Variants in EGLN1 observed in about 807,000 individuals in gnomAD.
The protein encoded by EGLN1 is egl nine homolog 1.
Under a neutral mutation model 38.3 loss-of-function variants are expected in EGLN1, and 17 were observed. The ratio of observed to expected loss-of-function variants is 0.44; its 90% CI spans 0.30 to 0.67. The LOEUF is 0.67. Among genes scored for constraint, EGLN1 ranks in the 30% least tolerant of loss-of-function variants. EGLN1 has a pLI of 0.08. For missense variants in EGLN1, 477 were observed against 603.3 expected (o/e 0.79, Z 2.19); for synonymous variants, 283 against 257.5 (o/e 1.10, Z -0.95).
chr1:231,421,902 G>A lies in EGLN1; in HGVS notation c.-14C>T, dbSNP rs1483197450. The A allele has an allele frequency of 7.1e-7, 1 of 1,401,784 alleles. No individual in the cohort carries two copies. Among genetic ancestry groups the A allele is most frequent in the Non-Finnish European group, 9.2e-7 (1 of 1,088,030 alleles). The allele number at this position is 1,401,784 out of a possible 1,614,324, so 86.8% of individuals were successfully genotyped here. A position where few individuals can be genotyped will look rare whatever the true frequency, so the allele number is the denominator to read the frequency against. ...GTCATTGGCCATGGCGGCGGCGGCG[G>A]CGGCGACGGCGACTGCGGCGGCCGA... On this transcript the variant is annotated 5_prime_UTR_variant, in exon 1 of 5. Transcript: ENST00000366641. The surrounding 1 kb of genome is among the most constrained non-coding windows in gnomAD (Gnocchi z 5.5).
At chr1:231,417,968 T>C (rs1689127843) in intron 1 of EGLN1, among the ~76,000 whole-genome samples, 1 of 152,128 alleles carries the variant, frequency 6.6e-6, no homozygotes, top group African/African-American at 2.4e-5. Flanking sequence ...TTCCAACAAG[T>C]GAACTAACTT....
At chr1:231,405,316 G>C (rs567572944) in intron 1 of EGLN1, among the ~76,000 whole-genome samples, 2 of 152,054 alleles carry the variant, frequency 1.3e-5, no homozygotes, top group African/African-American at 4.8e-5. Flanking sequence ...GGGACTACAG[G>C]CTACAGGTGC....
At chr1:231,370,140 T>C (rs1176439371) in intron 3 of EGLN1, among the ~76,000 whole-genome samples, 1 of 152,244 alleles carries the variant, frequency 6.6e-6, no homozygotes, top group Non-Finnish European at 1.5e-5. Context: ...TTACCTCTGA[T>C]TTTTCTACTC....
intron 1 of EGLN1, among the ~76,000 whole-genome samples, chr1:231,400,726 T>C (rs1168232904): frequency 6.6e-6 from 1 of 152,180 alleles, no homozygotes; most frequent in Non-Finnish European, 1.5e-5. Context: ...GAAAGACTCA[T>C]TTAATAAATA....
At chr1:231,394,582 G>A (rs1408237506) in intron 1 of EGLN1, among the ~76,000 whole-genome samples, 1 of 150,068 alleles carries the variant, frequency 6.7e-6, no homozygotes, top group Non-Finnish European at 1.5e-5. Flanking sequence ...GTAGAGACGG[G>A]GTTTCACCGT....
intron 1 of EGLN1, among the ~76,000 whole-genome samples, chr1:231,385,674 G>A (rs1391341132): frequency 6.6e-6 from 1 of 152,104 alleles, no homozygotes; most frequent in Non-Finnish European, 1.5e-5. Context: ...CACTGAAGAG[G>A]TTTAAACAAA....
At chr1:231,390,065 A>G (rs1297599386) in intron 1 of EGLN1, among the ~76,000 whole-genome samples, 1 of 152,232 alleles carries the variant, frequency 6.6e-6, no homozygotes, top group Non-Finnish European at 1.5e-5. Flanking sequence ...CTTTGGGCAA[A>G]TTATTCAACT....
At chr1:231,405,833 C>T (rs6702297) in intron 1 of EGLN1, among the ~76,000 whole-genome samples, 25,140 of 151,934 alleles carry the variant, frequency 0.17, 2,808 homozygotes, top group African/African-American at 0.31. Flanking sequence ...ATTGTCAATA[C>T]GAACAAATTA....
rs1236564193 is a variant in EGLN1, at chr1:231,400,355, AGATTCAGAATCTCT to A, written c.891+20629_891+20642del. Among the ~76,000 whole-genome samples, 41 of 152,162 alleles carry A rather than the reference AGATTCAGAATCTCT, an allele frequency of 2.7e-4. 1 individual carries two copies. The highest frequency in any genetic ancestry group is 3.3e-4 in the Admixed American group (5 of 15,288). ...TTAAGGAGCTATGAGTCTTCACCTC[AGATTCAGAATCTCT>A]GATTCAGAAGATCTGTAGTGGGGCC... is the stretch of plus-strand genomic sequence containing the variant. On this transcript the variant is annotated intron_variant, in intron 1 of 4. Coordinates refer to ENST00000366641, the MANE Select transcript of EGLN1 (RefSeq NM_022051.3).
At position 231,421,327 on chromosome 1, in the gene EGLN1, G is replaced by A. The variant is rs755928135; in HGVS notation, c.562C>T (p.Leu188=). 3.7e-6 allele frequency: 6 copies of A among 1,612,088 alleles called. No individual in the cohort carries two copies. Among genetic ancestry groups the A allele is most frequent in the Non-Finnish European group, 5.1e-6 (6 of 1,179,600 alleles). ...GLRPNGQTKP[L]PALKLALEYI... ...TCGAGCGCCAGCTTCAGCGCCGGCA[G>A]GGGCTTCGTCTGCCCGTTGGGCCGC... is the stretch of plus-strand genomic sequence containing the variant. The change falls in exon 1 of 5, where the codon CTG becomes TTG. Residue 188 remains leucine, a synonymous_variant. Coordinates refer to ENST00000366641, the MANE Select transcript of EGLN1 (RefSeq NM_022051.3). The surrounding 1 kb of genome is among the most constrained non-coding windows in gnomAD (Gnocchi z 5.5).
intron 1 of EGLN1, among the ~76,000 whole-genome samples, chr1:231,406,299 G>C (rs1324395820): frequency 6.6e-6 from 1 of 152,086 alleles, no homozygotes; most frequent in African/African-American, 2.4e-5. Context: ...AGGAAAAAGA[G>C]AATCATAAGC....
chr1:231,421,822 G>T lies in EGLN1; in HGVS notation c.67C>A (p.Leu23Met). ...AGCAGGTTCTCCATCTTCCCGCACAGCTCGCAGTACTGCCGGTCTCGCTCG... is the reference window on the plus strand; with the variant it reads ...AGCAGGTTCTCCATCTTCCCGCACATCTCGCAGTACTGCCGGTCTCGCTCG... ...PSERDRQYCE[L>M]CGKMENLLRC... The change falls in exon 1 of 5, where the codon CTG becomes ATG. Residue 23 changes from leucine to methionine, a missense_variant. Coordinates refer to ENST00000366641, the MANE Select transcript of EGLN1 (RefSeq NM_022051.3). This position sits in a 1 kb window ranked among gnomAD's most constrained non-coding sequence, Gnocchi z 5.5. 1 of 1,543,940 alleles carries T rather than the reference G, an allele frequency of 6.5e-7. No homozygotes were observed. Among genetic ancestry groups the T allele is most frequent in the Non-Finnish European group, 8.7e-7 (1 of 1,155,448 alleles).
chr1:231,392,119 C>G (rs551833111), intron 1 of EGLN1, among the ~76,000 whole-genome samples: 1 of 152,134 alleles, frequency 6.6e-6, no homozygotes, highest in Admixed American at 6.5e-5. Flanking sequence ...AACTCCGTCT[C>G]TACTAAAAAT....
chr1:231,402,075 G>C (rs1688675733), intron 1 of EGLN1, among the ~76,000 whole-genome samples: 1 of 152,144 alleles, frequency 6.6e-6, no homozygotes, highest in Admixed American at 6.5e-5. Flanking sequence ...ATGATGTTGA[G>C]AATCTTTTCA....
At chr1:231,376,765 A>C (rs1687968150) in intron 1 of EGLN1, among the ~76,000 whole-genome samples, 1 of 152,240 alleles carries the variant, frequency 6.6e-6, no homozygotes. Context: ...ATGACATGAT[A>C]TTCTTGAACA....
At chr1:231,384,210 GTTCA>G (rs1234220523) in intron 1 of EGLN1, among the ~76,000 whole-genome samples, 2 of 152,092 alleles carry the variant, frequency 1.3e-5, no homozygotes, top group Non-Finnish European at 2.9e-5. Context: ...TACACTATGT[GTTCA>G]TTCAACAAAT....
chr1:231,371,412 A>G (rs1687818674), intron 2 of EGLN1, among the ~76,000 whole-genome samples: 1 of 152,224 alleles, frequency 6.6e-6, no homozygotes, highest in Admixed American at 6.5e-5. Context: ...TTAAAATTCA[A>G]TAAACAATAG....
At chr1:231,390,877 G>A (rs1348135019) in intron 1 of EGLN1, among the ~76,000 whole-genome samples, 5 of 151,362 alleles carry the variant, frequency 3.3e-5, no homozygotes. Flanking sequence ...TAAGAGACAA[G>A]GTCTCTGTCC....
At position 231,415,256 on chromosome 1, in the gene EGLN1, T is replaced by G. The variant is rs1034540869; in HGVS notation, c.891+5742A>C. Among the ~76,000 whole-genome samples the G allele has an allele frequency of 2.1e-5, 3 of 144,966 alleles. No individual in the cohort carries two copies. In the Admixed American group the frequency reaches 2.1e-4, roughly 10 times the overall value. ...CCACTGCACTCCAGCCTGGGCATGT[T>G]AGGCCCTGTCCTTTAAAAAAAAAAA... On this transcript the variant is annotated intron_variant, in intron 1 of 4. Coordinates refer to ENST00000366641, the MANE Select transcript of EGLN1 (RefSeq NM_022051.3).
Sources: gnomAD v4.1 joint callset for allele counts (sites outside exome capture counted in the v4.1 genomes callset) on GRCh38, gnomAD v4.1.1 for gene constraint, Gnocchi (gnomAD v3.1) non-coding constraint, MANE v1.5 for transcripts, NCBI Gene and HGNC (gene_info 2026-07-23, HGNC 2026-07-21) for gene names.